Variants in OCLN observed in about 807,000 individuals in gnomAD.
OCLN encodes occludin.
OCLN carries 21 observed loss-of-function variants against 47.9 expected under a neutral mutation model. The ratio of observed to expected loss-of-function variants is 0.44; its 90% CI spans 0.31 to 0.63. OCLN has a LOEUF of 0.63. Ranked by LOEUF, OCLN falls within the 30% of genes least tolerant of loss-of-function variation. OCLN has a pLI of 0.08. For synonymous variants in OCLN, 117 were observed against 198.4 expected (o/e 0.59, Z 3.45); for missense variants, 360 against 571.0 (o/e 0.63, Z 3.77).
chr5:69,500,489 C>G (rs1291389957), intron 1 of OCLN, among the ~76,000 whole-genome samples: 1 of 151,890 alleles, frequency 6.6e-6, no homozygotes, highest in Non-Finnish European at 1.5e-5. Flanking sequence ...CGAACTCCGC[C>G]TCCCAGGTTC....
At position 69,514,064 on chromosome 5, in the gene OCLN, C is replaced by T; in HGVS notation, c.846C>T (p.Asp282=). 6.2e-7 allele frequency: 1 copy of T among 1,613,976 alleles called. No homozygotes were observed. Among genetic ancestry groups the T allele is most frequent in the Non-Finnish European group, 8.5e-7 (1 of 1,179,922 alleles). ...DRYDKSNILW[D]KEHIYDEQPP... ...ATGACAAGTCCAATATTTTGTGGGA[C>T]AAGGAACACATTTATGATGAGCAGC... Residue 282 remains aspartate (D), a synonymous_variant, in exon 4 of 9, where the codon GAC becomes GAT. Transcript: ENST00000396442.
chr5:69,509,564 C>T lies in OCLN; in HGVS notation c.474C>T (p.Thr158=), dbSNP rs1194669275. 1.2e-6 allele frequency: 2 copies of T among 1,614,150 alleles called. No individual in the cohort carries two copies. The highest frequency in any genetic ancestry group is 1.7e-6 in the Non-Finnish European group (2 of 1,180,034). Residue 158 remains threonine (T), a synonymous_variant, in exon 3 of 9, where the codon ACC becomes ACT. Coordinates refer to ENST00000396442, the MANE Select transcript of OCLN (RefSeq NM_001205254.2). ...TTGCCGCGTTGGTGATCTTTGTTAC[C>T]AGTGTTATAAGATCTGAAATGTCCA... ...CFIAALVIFV[T]SVIRSEMSRT...
chr5:69,496,191 C>T lies in OCLN; in HGVS notation c.-69+3291C>T, dbSNP rs533302848. On this transcript the variant is annotated intron_variant, in intron 1 of 8. Coordinates refer to ENST00000396442, the MANE Select transcript of OCLN (RefSeq NM_001205254.2). ...TTGGCTTACTGCAAGCTCCGCCTCC[C>T]GGGTTCACACCATTCTCCTGCCTCG... is the stretch of plus-strand genomic sequence containing the variant. 2.8e-3 allele frequency among the ~76,000 whole-genome samples: 425 copies of T among 152,036 alleles called. 1 individual carries two copies. Among genetic ancestry groups the T allele is most frequent in the South Asian group, 5.8e-3 (28 of 4,808 alleles).
In OCLN at chr5:69,516,579, A is replaced by G. The variant is rs1768978889; in HGVS notation, c.891+2470A>G. Among the ~76,000 whole-genome samples, 3 of 152,216 alleles carry G rather than the reference A, an allele frequency of 2.0e-5. No homozygotes were observed. In the South Asian group the frequency reaches 6.2e-4, roughly 32 times the overall value. On this transcript the variant is annotated intron_variant, in intron 4 of 8. Coordinates refer to ENST00000396442, the MANE Select transcript of OCLN (RefSeq NM_001205254.2). ...CATAGATAACAGCATGACAAACCAC[A>G]GTGACTAATTCTGAGTTAACATTAT...
chr5:69,516,406 A>C (rs2112004920), intron 4 of OCLN, among the ~76,000 whole-genome samples: 1 of 152,214 alleles, frequency 6.6e-6, no homozygotes, highest in East Asian at 1.9e-4. Flanking sequence ...CTGAGGCAGG[A>C]GAATCAGGCA....
intron 1 of OCLN, among the ~76,000 whole-genome samples, chr5:69,501,102 A>G (rs1318718467): frequency 6.6e-6 from 1 of 151,904 alleles, no homozygotes; most frequent in Non-Finnish European, 1.5e-5. Context: ...TTTTTAGTAG[A>G]GACGGGGTTT....
intron 1 of OCLN, among the ~76,000 whole-genome samples, chr5:69,499,145 C>A (rs1041909969): frequency 3.3e-5 from 5 of 152,124 alleles, no homozygotes; most frequent in African/African-American, 1.2e-4. Context: ...GGCATGATCA[C>A]TCCAGCCTCA....
At chr5:69,521,565 T>C (rs1334549841) in intron 4 of OCLN, among the ~76,000 whole-genome samples, 11 of 152,098 alleles carry the variant, frequency 7.2e-5, no homozygotes, top group Admixed American at 2.6e-4. Flanking sequence ...AGCTCAAGAG[T>C]TGAGGCTGCA....
chr5:69,502,560 A>C (rs1045662514), intron 1 of OCLN: 2 of 152,120 alleles, frequency 1.3e-5, no homozygotes, highest in Admixed American at 6.5e-5. Context: ...GCTCACATGG[A>C]ATTTACCTTC....
intron 1 of OCLN, among the ~76,000 whole-genome samples, chr5:69,500,911 C>T (rs1234384218): frequency 6.6e-6 from 1 of 151,946 alleles, no homozygotes; most frequent in African/African-American, 2.4e-5. Context: ...TGCTTAACTT[C>T]AGATTTTCTG....
At chr5:69,508,769 A>G (rs1455276119) in intron 2 of OCLN, among the ~76,000 whole-genome samples, 2 of 152,264 alleles carry the variant, frequency 1.3e-5, no homozygotes, top group African/African-American at 4.8e-5. Flanking sequence ...GGTAATTGGT[A>G]CAATCACTTT....
chr5:69,528,760 G>T (rs1178189974), intron 4 of OCLN, among the ~76,000 whole-genome samples: 1 of 152,140 alleles, frequency 6.6e-6, no homozygotes, highest in African/African-American at 2.4e-5. Context: ...TCCTTGGGTG[G>T]CGGTGAGAAT....
chr5:69,496,778 A>T (rs2111926562), intron 1 of OCLN, among the ~76,000 whole-genome samples: 1 of 152,112 alleles, frequency 6.6e-6, no homozygotes, highest in South Asian at 2.1e-4. Flanking sequence ...TGTCAAGGGG[A>T]GAACACTTTA....
At chr5:69,525,507 C>T (rs763849166) in intron 4 of OCLN, among the ~76,000 whole-genome samples, 3 of 152,194 alleles carry the variant, frequency 2.0e-5, no homozygotes, top group Admixed American at 6.5e-5. Flanking sequence ...TCCAGTCAAA[C>T]GTGTAAAAGT....
At chr5:69,532,995 A>ATGTGTGTGTG (rs746546559) in intron 4 of OCLN, among the ~76,000 whole-genome samples, 1 of 48,910 alleles carries the variant, frequency 2.0e-5, no homozygotes, top group Admixed American at 1.6e-4. Flanking sequence ...ATATGTATGC[A>ATGTGTGTGTG]TGTATGTGTG....
At chr5:69,507,613 T>A (rs1222484798) in intron 2 of OCLN, among the ~76,000 whole-genome samples, 1 of 152,084 alleles carries the variant, frequency 6.6e-6, no homozygotes. Flanking sequence ...AAAGATAATT[T>A]TTTTTTTTTA....
intron 1 of OCLN, among the ~76,000 whole-genome samples, chr5:69,495,510 G>T (rs1417905186): frequency 6.6e-6 from 1 of 152,108 alleles, no homozygotes; most frequent in Non-Finnish European, 1.5e-5. Context: ...AAAAAATAAC[G>T]TTTATTGAGT....
chr5:69,522,553 A>G (rs1466230612), intron 4 of OCLN, among the ~76,000 whole-genome samples: 2 of 152,124 alleles, frequency 1.3e-5, no homozygotes, highest in African/African-American at 4.8e-5. Flanking sequence ...TCGTGCACCC[A>G]ATCCAGTTTT....
Position 69,555,435 on chromosome 5 carries a change from T to C in OCLN, c.*1764T>C, listed in dbSNP as rs1429595523. The C allele has an allele frequency of 1.3e-5, 2 of 151,512 alleles. No individual in the cohort carries two copies. The highest frequency in any genetic ancestry group is 1.3e-4 in the Admixed American group (2 of 15,144). The allele number at this position is 151,512 out of a possible 1,614,324, so 9.4% of individuals were successfully genotyped here. A position where few individuals can be genotyped will look rare whatever the true frequency, so the allele number is the denominator to read the frequency against. ...TGCGCCACCACACCTGGCTAATTTTTTTTTTGTATTTTTAGTAGAGATGGG... is the reference window on the plus strand; with the variant it reads ...TGCGCCACCACACCTGGCTAATTTTCTTTTTGTATTTTTAGTAGAGATGGG... On this transcript the variant is annotated 3_prime_UTR_variant, in exon 9 of 9. Coordinates refer to ENST00000396442, the MANE Select transcript of OCLN (RefSeq NM_001205254.2).
Sources: allele counts gnomAD v4.1 joint callset (sites outside exome capture counted in the v4.1 genomes callset), GRCh38; gene constraint gnomAD v4.1.1; transcripts MANE v1.5; gene names NCBI Gene and HGNC (gene_info 2026-07-23, HGNC 2026-07-21).